INPP4B: variants seen among roughly 807,000 people sequenced by gnomAD.
INPP4B encodes the protein inositol polyphosphate 4-phosphatase type II.
INPP4B carries 55 observed loss-of-function variants against 122.5 expected under a neutral mutation model. That is an observed-to-expected ratio of 0.45 (90% CI 0.36 to 0.56). The LOEUF is 0.56. Ranked by LOEUF, INPP4B falls within the 20% of genes least tolerant of loss-of-function variation. The pLI is 0.00. For missense variants in INPP4B, 1,000 were observed against 1,097.7 expected, an observed-to-expected ratio of 0.91 and a Z score of 1.26; for synonymous variants, 403 against 388.7, an observed-to-expected ratio of 1.04 and a Z score of -0.43.
chr4:142,524,349 C>T (rs1826541960), intron 2 of INPP4B, among the ~76,000 whole-genome samples: 1 of 152,036 alleles, frequency 6.6e-6, no homozygotes, highest in Non-Finnish European at 1.5e-5. Flanking sequence ...GATTGCCATT[C>T]TAACTGGTGT....
At chr4:142,479,188 C>T (rs1163536404) in intron 2 of INPP4B, among the ~76,000 whole-genome samples, 2 of 152,026 alleles carry the variant, frequency 1.3e-5, no homozygotes, top group Non-Finnish European at 2.9e-5. Context: ...GAAGTCATAC[C>T]TGTGGCCAAC....
rs1449563875 is a variant in INPP4B at position 142,104,266 on chromosome 4, A to G, written c.2374+3827T>C. ...AAGCCCTGAATCATGTATGAGACGC[A>G]GTGGTGACTTTAAACACGGAGCAGT... On this transcript the variant is annotated intron_variant, in intron 23 of 25. Coordinates refer to ENST00000262992, the MANE Select transcript of INPP4B (RefSeq NM_001101669.3). Among the ~76,000 whole-genome samples the G allele has an allele frequency of 2.0e-5, 3 of 152,188 alleles. No homozygotes were observed. In the East Asian group the frequency reaches 5.8e-4, roughly 29 times the overall value.
At chr4:142,223,061 T>C (rs1182399952) in intron 12 of INPP4B, among the ~76,000 whole-genome samples, 7 of 152,176 alleles carry the variant, frequency 4.6e-5, no homozygotes, top group Admixed American at 4.6e-4. Context: ...ATATAGTAGT[T>C]AGTCTCTTTT....
At chr4:142,541,944 G>A (rs1007832240) in intron 2 of INPP4B, among the ~76,000 whole-genome samples, 3 of 152,086 alleles carry the variant, frequency 2.0e-5, no homozygotes, top group Non-Finnish European at 2.9e-5. Flanking sequence ...AGCTTCTCCC[G>A]GCAAAACTCT....
chr4:142,092,922 T>C (rs1780209207), intron 23 of INPP4B, among the ~76,000 whole-genome samples: 1 of 152,190 alleles, frequency 6.6e-6, no homozygotes, highest in Non-Finnish European at 1.5e-5. Context: ...ACACTTTTTA[T>C]TGAAAGACGT....
intron 1 of INPP4B, among the ~76,000 whole-genome samples, chr4:142,829,958 T>G (rs1244471143): frequency 6.6e-6 from 1 of 152,134 alleles, no homozygotes; most frequent in Non-Finnish European, 1.5e-5. Flanking sequence ...TTATACCATT[T>G]TAATAACTAC....
chr4:142,346,427 C>T (rs1780334842), intron 7 of INPP4B, among the ~76,000 whole-genome samples: 1 of 151,596 alleles, frequency 6.6e-6, no homozygotes, highest in African/African-American at 2.4e-5. Flanking sequence ...TATGAAATAA[C>T]AAGAAATAAG....
At chr4:142,096,438 G>A (rs768733267) in intron 23 of INPP4B, among the ~76,000 whole-genome samples, 3 of 152,064 alleles carry the variant, frequency 2.0e-5, no homozygotes, top group Non-Finnish European at 4.4e-5. Context: ...GTGGACCTTT[G>A]TATATGTATA....
intron 1 of INPP4B, among the ~76,000 whole-genome samples, chr4:142,762,125 G>A (rs906837287): frequency 4.6e-5 from 7 of 152,006 alleles, no homozygotes; most frequent in African/African-American, 1.2e-4. Context: ...GCTTTTTCTC[G>A]TTTCTTCATT....
intron 7 of INPP4B, among the ~76,000 whole-genome samples, chr4:142,388,950 T>G (rs1302416511): frequency 6.6e-6 from 1 of 152,080 alleles, no homozygotes; most frequent in Non-Finnish European, 1.5e-5. Flanking sequence ...CTAAAGCCAG[T>G]ATCCAATTAA....
chr4:142,160,416 G>A lies in INPP4B; in HGVS notation c.1505C>T (p.Pro502Leu), dbSNP rs1192380753. The A allele has an allele frequency of 6.8e-6, 11 of 1,605,936 alleles. No individual in the cohort carries two copies. Among genetic ancestry groups the A allele is most frequent in the South Asian group, 1.1e-5 (1 of 90,452 alleles). The part of the protein sequence containing the change: ...TEESSPQDQP[P>L]VMRGQDSIPH... ...TATGGAGTCCTGCCCTCTCATCACT[G>A]GGGGTTGGTCTTGGGGACTGCTCTC... The change falls in exon 17 of 26, where the codon CCA (proline) becomes CTA (leucine). Residue 502 changes from proline (P) to leucine (L), a missense_variant. Pro to Leu is a moderately conservative substitution (Grantham distance 98). Transcript: ENST00000262992.
chr4:142,789,896 C>T (rs1776298978), intron 1 of INPP4B, among the ~76,000 whole-genome samples: 1 of 151,938 alleles, frequency 6.6e-6, no homozygotes, highest in African/African-American at 2.4e-5. Context: ...GCATGTAGAC[C>T]AATGGAACAG....
At chr4:142,052,355 C>T (rs1464891443) in intron 25 of INPP4B, among the ~76,000 whole-genome samples, 1 of 151,952 alleles carries the variant, frequency 6.6e-6, no homozygotes, top group East Asian at 1.9e-4. Context: ...CTAAGAATTA[C>T]TTAAAATTTG....
At chr4:142,547,547 C>G (rs1294218754) in intron 2 of INPP4B, among the ~76,000 whole-genome samples, 1 of 152,086 alleles carries the variant, frequency 6.6e-6, no homozygotes, top group East Asian at 1.9e-4. Context: ...ACTAGCAAAT[C>G]AGACAGTAAA....
chr4:142,836,494 G>A (rs1483657546), intron 1 of INPP4B, among the ~76,000 whole-genome samples: 1 of 151,862 alleles, frequency 6.6e-6, no homozygotes, highest in Admixed American at 6.6e-5. Context: ...ACAAACAAGT[G>A]GGAAATAGAG....
Position 142,428,700 on chromosome 4 carries a change from C to A in INPP4B, c.136+473G>T, listed in dbSNP as rs149966342. Among the ~76,000 whole-genome samples, 209 of 152,134 alleles carry A rather than the reference C, an allele frequency of 1.4e-3. 1 individual carries two copies. Among genetic ancestry groups the A allele is most frequent in the Middle Eastern group, 6.8e-3 (2 of 294 alleles). On this transcript the variant is annotated intron_variant, in intron 5 of 25. Coordinates refer to ENST00000262992, the MANE Select transcript of INPP4B (RefSeq NM_001101669.3). The stretch of plus-strand genomic sequence containing the variant: ...TCAAAGCTTGATTGAAAGTTAAATT[C>A]TCAAATGTCACTGGCATTTTCACAA...
At chr4:142,278,530 A>C (rs1387105548) in intron 9 of INPP4B, among the ~76,000 whole-genome samples, 1 of 151,924 alleles carries the variant, frequency 6.6e-6, no homozygotes, top group Non-Finnish European at 1.5e-5. Context: ...ACAGGGACCT[A>C]AAACTATGAG....
chr4:142,039,811 G>T (rs992632835), intron 25 of INPP4B, among the ~76,000 whole-genome samples: 1 of 151,980 alleles, frequency 6.6e-6, no homozygotes, highest in Admixed American at 6.6e-5. Flanking sequence ...TTGCATAAAA[G>T]AATGCTAATA....
intron 17 of INPP4B, among the ~76,000 whole-genome samples, chr4:142,158,957 G>A (rs924452370): frequency 2.8e-4 from 43 of 151,918 alleles, no homozygotes; most frequent in African/African-American, 7.7e-4. Flanking sequence ...GTATACACTC[G>A]AACTCTTCAA....
Sources: allele counts gnomAD v4.1 joint callset (sites outside exome capture counted in the v4.1 genomes callset), GRCh38; gene constraint gnomAD v4.1.1; transcripts MANE v1.5; gene names NCBI Gene and HGNC (gene_info 2026-07-23, HGNC 2026-07-21).